Variants in ZNF407 observed in about 807,000 individuals in gnomAD.
ZNF407 encodes zinc finger protein 407.
Under a neutral mutation model 131.2 loss-of-function variants are expected in ZNF407, and 17 were observed. The observed-to-expected ratio is 0.13, with a 90% confidence interval of 0.09 to 0.19. The LOEUF (loss-of-function observed/expected upper bound fraction) is 0.19, where lower values mean the gene tolerates loss of function less well. ZNF407 is among the 10% of genes least tolerant of loss of function. The probability of loss-of-function intolerance (pLI) is 1.00; values close to 1 mark genes in which losing one functional copy is unlikely to be tolerated. For missense variants in ZNF407, 2,681 were observed against 2,830.6 expected (o/e 0.95, Z 1.20); for synonymous variants, 1,156 against 1,062.0 (o/e 1.09, Z -1.72).
chr18:74,878,681 T>G (rs571717621), intron 5 of ZNF407, among the ~76,000 whole-genome samples: 1 of 152,260 alleles, frequency 6.6e-6, no homozygotes, highest in East Asian at 1.9e-4. Flanking sequence ...TTTCTACATT[T>G]GAATGCAAAA....
chr18:74,758,597 A>G (rs1301228017), intron 3 of ZNF407, among the ~76,000 whole-genome samples: 1 of 152,076 alleles, frequency 6.6e-6, no homozygotes, highest in Non-Finnish European at 1.5e-5. Context: ...AAATATATCT[A>G]TATTTATTTT....
At chr18:74,654,006 A>T (rs756356797) in intron 3 of ZNF407, among the ~76,000 whole-genome samples, 1 of 151,836 alleles carries the variant, frequency 6.6e-6, no homozygotes, top group Non-Finnish European at 1.5e-5. Flanking sequence ...AAGTATCAAT[A>T]CTTCAAAATA....
At chr18:74,884,266 AT>A (rs1176282182) in intron 6 of ZNF407, among the ~76,000 whole-genome samples, 2 of 152,336 alleles carry the variant, frequency 1.3e-5, no homozygotes, top group Non-Finnish European at 2.9e-5. Flanking sequence ...TTGTCTGCAT[AT>A]TGAGACTAAC....
chr18:74,860,829 A>G lies in ZNF407; in HGVS notation c.4878-16368A>G, dbSNP rs141869425. On this transcript the variant is annotated intron_variant, in intron 4 of 8. Coordinates refer to ENST00000299687, the MANE Select transcript of ZNF407 (RefSeq NM_017757.3). ...ATTCATTTAATGGACTATTGCAAAA[A>G]TATTCATTATAAGACATGGCAGCTG... is the stretch of plus-strand genomic sequence containing the variant. Among the ~76,000 whole-genome samples the G allele has an allele frequency of 4.9e-3, 753 of 152,254 alleles. 10 individuals are homozygous for G. The highest frequency in any genetic ancestry group is 0.017 in the African/African-American group (702 of 41,558).
chr18:74,654,925 C>T (rs974439166), intron 3 of ZNF407, among the ~76,000 whole-genome samples: 1 of 151,772 alleles, frequency 6.6e-6, no homozygotes, highest in South Asian at 2.1e-4. Context: ...ATGAGTTGCC[C>T]TGTACATTTT....
chr18:75,001,677 A>G (rs965851315), intron 8 of ZNF407, among the ~76,000 whole-genome samples: 3 of 152,246 alleles, frequency 2.0e-5, no homozygotes, highest in African/African-American at 7.2e-5. Flanking sequence ...ATTTCTGTCA[A>G]TTCGCATGTG....
intron 3 of ZNF407, among the ~76,000 whole-genome samples, chr18:74,713,319 G>A (rs1052065039): frequency 6.9e-6 from 1 of 144,782 alleles, no homozygotes; most frequent in African/African-American, 2.5e-5. Flanking sequence ...TTAAGGTACT[G>A]AGTAAAACTT....
At chr18:74,627,473 A>G (rs764897731) in intron 1 of ZNF407, among the ~76,000 whole-genome samples, 25 of 152,174 alleles carry the variant, frequency 1.6e-4, no homozygotes, top group Non-Finnish European at 3.4e-4. Flanking sequence ...TTTATAGAAA[A>G]GAGCATTTCT....
At chr18:74,700,589 A>G (rs913250930) in intron 3 of ZNF407, among the ~76,000 whole-genome samples, 5 of 152,194 alleles carry the variant, frequency 3.3e-5, no homozygotes, top group Non-Finnish European at 4.4e-5. Context: ...GATCTCAGCT[A>G]TAATTTCTCG....
intron 8 of ZNF407, 158 bp from the exon 9 acceptor site, chr18:75,062,989 TCTG>T (rs1163825974): frequency 9.9e-5 from 63 of 635,220 alleles, no homozygotes; most frequent in Non-Finnish European, 1.6e-4. Context: ...CACGGAGGCC[TCTG>T]GCCCTGCTGA....
intron 1 of ZNF407, among the ~76,000 whole-genome samples, chr18:74,610,423 A>G (rs555305005): frequency 1.3e-5 from 2 of 152,136 alleles, no homozygotes; most frequent in Non-Finnish European, 2.9e-5. Context: ...CATGCGTGCA[A>G]GCAGCTTACC....
At chr18:75,045,187 G>A (rs1032997355) in intron 8 of ZNF407, among the ~76,000 whole-genome samples, 2 of 152,118 alleles carry the variant, frequency 1.3e-5, no homozygotes, top group Admixed American at 1.3e-4. Context: ...GCATGCACAC[G>A]TGTATGAAAA....
intron 7 of ZNF407, among the ~76,000 whole-genome samples, chr18:74,894,263 A>T (rs574317701): frequency 5.9e-5 from 9 of 152,238 alleles, no homozygotes; most frequent in African/African-American, 2.2e-4. Flanking sequence ...GCCATTAGTT[A>T]CTATTCGTTA....
intron 4 of ZNF407, among the ~76,000 whole-genome samples, chr18:74,853,112 C>T (rs1002527484): frequency 1.3e-5 from 2 of 152,038 alleles, no homozygotes; most frequent in African/African-American, 2.4e-5. Flanking sequence ...AAGGAAAAAA[C>T]GTATCAAATG....
intron 7 of ZNF407, among the ~76,000 whole-genome samples, chr18:74,908,738 T>A (rs557651308): frequency 6.6e-6 from 1 of 152,268 alleles, no homozygotes; most frequent in Non-Finnish European, 1.5e-5. Flanking sequence ...GGAGTATATA[T>A]CTTAAGCTGT....
intron 3 of ZNF407, among the ~76,000 whole-genome samples, chr18:74,690,282 G>A (rs1479973826): frequency 6.6e-6 from 1 of 152,144 alleles, no homozygotes; most frequent in Non-Finnish European, 1.5e-5. Context: ...AAGGAAACAT[G>A]CATAAAATTA....
At chr18:74,900,374 C>T (rs1430041221) in intron 7 of ZNF407, among the ~76,000 whole-genome samples, 1 of 152,114 alleles carries the variant, frequency 6.6e-6, no homozygotes, top group African/African-American at 2.4e-5. Flanking sequence ...TCACTGTGGT[C>T]GGAGTTTTGA....
chr18:75,012,900 T>C (rs1320948608), intron 8 of ZNF407, among the ~76,000 whole-genome samples: 2 of 151,882 alleles, frequency 1.3e-5, no homozygotes, highest in East Asian at 3.9e-4. Context: ...TGTTTTGTTT[T>C]GTTTTTTCAA....
chr18:74,814,540 G>A (rs188561417), intron 4 of ZNF407, among the ~76,000 whole-genome samples: 14 of 152,224 alleles, frequency 9.2e-5, no homozygotes, highest in Admixed American at 8.5e-4. Context: ...AGTAAAGAAG[G>A]AAGAAATTCA....
Sources: gnomAD v4.1 joint callset for allele counts (sites outside exome capture counted in the v4.1 genomes callset) on GRCh38, gnomAD v4.1.1 for gene constraint, MANE v1.5 for transcripts, NCBI Gene and HGNC (gene_info 2026-07-23, HGNC 2026-07-21) for gene names.